The following FPR3 variants were observed in gnomAD, a reference collection of about 807,000 sequenced individuals.
The protein encoded by FPR3 is N-formyl peptide receptor 3.
For missense variants in FPR3, 346 were observed against 443.2 expected, an observed-to-expected ratio of 0.78 and a Z score of 1.97; for synonymous variants, 135 against 163.6, an observed-to-expected ratio of 0.83 and a Z score of 1.34.
chr19:51,809,305 C>T (rs988758729), intron 1 of FPR3, among the ~76,000 whole-genome samples: 2 of 152,218 alleles, frequency 1.3e-5, no homozygotes, highest in Non-Finnish European at 2.9e-5. Context: ...CCTACTCCCA[C>T]TAGGGATGTA....
Position 51,825,815 on chromosome 19 carries a change from T to A in FPR3, c.*1005T>A. The A allele has an allele frequency of 6.0e-6, 1 of 167,222 alleles. No individual in the cohort carries two copies. The allele number at this position is 167,222 out of a possible 1,614,324, so 10.4% of individuals were successfully genotyped here. On this transcript the variant is annotated 3_prime_UTR_variant, in exon 2 of 2. Coordinates refer to ENST00000339223, the MANE Select transcript of FPR3 (RefSeq NM_002030.5). Reference sequence around the variant, plus strand: ...TTTCATGTCTGGACCTCAGCCTATATCCTGAGACTAAGTGGAAGTGGGAAA... The same window carrying A: ...TTTCATGTCTGGACCTCAGCCTATAACCTGAGACTAAGTGGAAGTGGGAAA...
At chr19:51,820,648 G>C (rs1000325392) in intron 1 of FPR3, among the ~76,000 whole-genome samples, 1 of 152,234 alleles carries the variant, frequency 6.6e-6, no homozygotes, top group African/African-American at 2.4e-5. Context: ...GATATTTGGA[G>C]AGTGGTAGAG....
At chr19:51,805,995 T>C (rs1289300157) in intron 1 of FPR3, among the ~76,000 whole-genome samples, 15 of 152,214 alleles carry the variant, frequency 9.9e-5, no homozygotes, top group Admixed American at 9.2e-4. Context: ...AATGCAGTGA[T>C]ATAACTGGCA....
At chr19:51,798,317 G>A (rs115181030) in intron 1 of FPR3, among the ~76,000 whole-genome samples, 2,055 of 152,174 alleles carry the variant, frequency 0.014, 37 homozygotes, top group African/African-American at 0.046. Flanking sequence ...TCTCTGGATA[G>A]CGGCCAGGGG....
At chr19:51,803,449 T>C (rs1332655165) in intron 1 of FPR3, among the ~76,000 whole-genome samples, 1 of 152,202 alleles carries the variant, frequency 6.6e-6, no homozygotes, top group Non-Finnish European at 1.5e-5. Flanking sequence ...TCAACATGAA[T>C]ACCAAGGAAT....
intron 1 of FPR3, chr19:51,811,329 T>C (rs1022947381): frequency 5.3e-5 from 8 of 152,198 alleles, no homozygotes; most frequent in African/African-American, 1.9e-4. Context: ...TGAGCACCAG[T>C]TTGTTTCAAC....
intron 1 of FPR3, among the ~76,000 whole-genome samples, chr19:51,802,025 G>A (rs2084028962): frequency 6.6e-6 from 1 of 152,038 alleles, no homozygotes; most frequent in African/African-American, 2.4e-5. Context: ...TTACAAATTG[G>A]CTTGATCAAA....
At chr19:51,807,373 G>A (rs990940563) in intron 1 of FPR3, among the ~76,000 whole-genome samples, 5 of 152,176 alleles carry the variant, frequency 3.3e-5, no homozygotes, top group South Asian at 2.1e-4. Flanking sequence ...TGGTGGCAGC[G>A]CAGTGTGAGT....
chr19:51,799,200 C>T (rs915080202), intron 1 of FPR3, among the ~76,000 whole-genome samples: 4 of 152,182 alleles, frequency 2.6e-5, no homozygotes, highest in African/African-American at 9.6e-5. Flanking sequence ...TGTCCTCTTG[C>T]TCCTCTGAGT....
intron 1 of FPR3, among the ~76,000 whole-genome samples, chr19:51,822,154 G>A (rs956716570): frequency 1.3e-5 from 2 of 152,208 alleles, no homozygotes; most frequent in African/African-American, 2.4e-5. Context: ...GTGACCTGGT[G>A]CAGAGGCAGG....
In FPR3 at chr19:51,824,902, AC is replaced by A; in HGVS notation, c.*94del. 1.1e-6 allele frequency: 1 copy of A among 943,794 alleles called. No individual in the cohort carries two copies. Among genetic ancestry groups the A allele is most frequent in the Non-Finnish European group, 1.6e-6 (1 of 632,984 alleles). The allele number at this position is 943,794 out of a possible 1,614,324, so 58.5% of individuals were successfully genotyped here. ...AGTGTTTTTCTTCCTCTTTCATACC[AC>A]CACCACCACAATCATCAACATAAAG... On this transcript the variant is annotated 3_prime_UTR_variant, in exon 2 of 2. Coordinates refer to ENST00000339223, the MANE Select transcript of FPR3 (RefSeq NM_002030.5). The surrounding 1 kb of genome is among the most constrained non-coding windows in gnomAD (Gnocchi z 4.7).
rs1028136200 is a variant in FPR3, at chr19:51,798,914, G to A, written c.-11+3583G>A. 3.9e-5 allele frequency among the ~76,000 whole-genome samples: 6 copies of A among 152,078 alleles called. No individual in the cohort carries two copies. In the South Asian group the frequency reaches 6.2e-4, roughly 16 times the overall value. On this transcript the variant is annotated intron_variant, in intron 1 of 1. Transcript: ENST00000339223. ...AGCACTTTGGGAGGCCGAGGAGTTCGAGACAGCCTGGCCAACATGGTGAAA... is the reference window on the plus strand; with the variant it reads ...AGCACTTTGGGAGGCCGAGGAGTTCAAGACAGCCTGGCCAACATGGTGAAA...
chr19:51,806,843 T>C (rs1406900209), intron 1 of FPR3, among the ~76,000 whole-genome samples: 1 of 152,254 alleles, frequency 6.6e-6, no homozygotes, highest in Non-Finnish European at 1.5e-5. Flanking sequence ...TACTTTTAAC[T>C]GTAGCAGTTT....
At chr19:51,821,262 A>T (rs1217105057) in intron 1 of FPR3, among the ~76,000 whole-genome samples, 9 of 152,218 alleles carry the variant, frequency 5.9e-5, no homozygotes, top group Non-Finnish European at 1.3e-4. Flanking sequence ...GGTGCCAACG[A>T]TAAGAGTAGC....
At chr19:51,821,864 T>A (rs2084192543) in intron 1 of FPR3, among the ~76,000 whole-genome samples, 1 of 152,122 alleles carries the variant, frequency 6.6e-6, no homozygotes, top group African/African-American at 2.4e-5. Flanking sequence ...AATGTTATTA[T>A]GAGTATTATT....
chr19:51,818,670 A>C (rs1269664995), intron 1 of FPR3, among the ~76,000 whole-genome samples: 1 of 152,202 alleles, frequency 6.6e-6, no homozygotes. Context: ...AGTAGGCAGA[A>C]GGAAGAGAGA....
At chr19:51,805,074 T>C (rs1195040094) in intron 1 of FPR3, 1 of 152,242 alleles carries the variant, frequency 6.6e-6, no homozygotes, top group Non-Finnish European at 1.5e-5. Context: ...GCTCACATCC[T>C]GTATTCATGA....
chr19:51,795,325 G>A lies in FPR3; in HGVS notation c.-17G>A, dbSNP rs2083989507. On this transcript the variant is annotated 5_prime_UTR_variant, in exon 1 of 2. Transcript: ENST00000339223. ...AACTGGGCACAGGAAAAGGATCTAA[G>A]CTGGTGGTAAGTTGGGGTCTGAAAA... The A allele has an allele frequency of 6.6e-6, 1 of 152,218 alleles. No individual in the cohort carries two copies. The highest frequency in any genetic ancestry group is 2.4e-5 in the African/African-American group (1 of 41,524). 9.4% of individuals were successfully genotyped at this position (152,218 alleles called of 1,614,324 possible).
intron 1 of FPR3, among the ~76,000 whole-genome samples, chr19:51,813,119 A>AACACACACAC (rs35245083): frequency 0.013 from 1,819 of 137,168 alleles, 20 homozygotes; most frequent in Admixed American, 0.024. Context: ...GCTCTGTCTC[A>AACACACACAC]ACACACACAC....
Sources: gnomAD v4.1 joint callset for allele counts (sites outside exome capture counted in the v4.1 genomes callset) on GRCh38, gnomAD v4.1.1 for gene constraint, Gnocchi (gnomAD v3.1) non-coding constraint, MANE v1.5 for transcripts, NCBI Gene and HGNC (gene_info 2026-07-23, HGNC 2026-07-21) for gene names.